The following PIK3CD variants were observed in gnomAD, a reference collection of about 807,000 sequenced individuals.
PIK3CD encodes the protein phosphatidylinositol-4,5-bisphosphate 3-kinase catalytic subunit delta, also known as phosphatidylinositol 4,5-bisphosphate 3-kinase catalytic subunit delta isoform.
In PIK3CD, 20 loss-of-function variants were observed where a neutral mutation model predicts 122.9. That is an observed-to-expected ratio of 0.16 (90% CI 0.11 to 0.24). The LOEUF is 0.24. Ranked by LOEUF, PIK3CD falls within the 10% of genes least tolerant of loss-of-function variation. The pLI, the probability that PIK3CD is intolerant of heterozygous loss-of-function variation, is 1.00. For missense variants in PIK3CD, 787 were observed against 1,406.3 expected (o/e 0.56, Z 7.04); for synonymous variants, 596 against 593.4 (o/e 1.00, Z -0.06).
chr1:9,648,450 G>A (rs1429588899), upstream of PIK3CD, among the ~76,000 whole-genome samples: 2 of 152,092 alleles, frequency 1.3e-5, no homozygotes, highest in African/African-American at 4.8e-5. Flanking sequence ...CCAGAGGGCA[G>A]CGTTGAAAGT....
chr1:9,647,022 A>G (rs1644615615), upstream of PIK3CD, among the ~76,000 whole-genome samples: 1 of 149,338 alleles, frequency 6.7e-6, no homozygotes, highest in Non-Finnish European at 1.5e-5. Flanking sequence ...GAGGTGGGAG[A>G]ATTGCTTGAA....
intron 23 of PIK3CD, 108 bp downstream of exon 23, chr1:9,725,044 G>A (rs371652104): frequency 1.5e-6 from 2 of 1,349,156 alleles, no homozygotes; most frequent in Admixed American, 1.9e-5. Context: ...AGGGCACTGA[G>A]CTGTGTGTGC....
upstream of PIK3CD, among the ~76,000 whole-genome samples, chr1:9,648,631 A>T (rs1027349902): frequency 6.6e-6 from 1 of 152,156 alleles, no homozygotes; most frequent in East Asian, 1.9e-4. Context: ...AGGCTCAGTA[A>T]TCTGAGCCTG....
the PIK3CD span, among the ~76,000 whole-genome samples, chr1:9,629,514 A>G: frequency 6.8e-6 from 1 of 146,536 alleles, no homozygotes; most frequent in Non-Finnish European, 1.5e-5. Flanking sequence ...CATACCACAA[A>G]TAGAAATCAA....
chr1:9,671,200 A>G (rs1424130316), intron 1 of PIK3CD, among the ~76,000 whole-genome samples: 1 of 152,110 alleles, frequency 6.6e-6, no homozygotes, highest in Non-Finnish European at 1.5e-5. Flanking sequence ...CCTGGGCTCA[A>G]GCGATCTTCC....
chr1:9,640,043 C>T, the PIK3CD span, among the ~76,000 whole-genome samples: 8 of 151,332 alleles, frequency 5.3e-5, no homozygotes, highest in Non-Finnish European at 1.2e-4. Context: ...TGCCCGACCT[C>T]CTTTCTTTCT....
rs1358439110 is a variant in PIK3CD at position 9,724,443 on chromosome 1, C to T, written c.2864+22C>T. On this transcript the variant is annotated intron_variant, in intron 22 of 23. Coordinates refer to ENST00000377346, the MANE Select transcript of PIK3CD (RefSeq NM_005026.5). The surrounding 1 kb of genome is among the most constrained non-coding windows in gnomAD (Gnocchi z 7.3). ...AACGGTGAGAGTGCCTGAGCCCCAC[C>T]AGATGCCCCTCGGTGTGGGGCCCCA... 6.2e-7 allele frequency: 1 copy of T among 1,613,782 alleles called. No individual in the cohort carries two copies. The highest frequency in any genetic ancestry group is 2.2e-5 in the East Asian group (1 of 44,884).
rs557569492 is a variant in PIK3CD at position 9,708,748 on chromosome 1, CTGAGGCAGGAGAATCGCT to C, written c.-32-1671_-32-1654del. Among the ~76,000 whole-genome samples, 44 of 152,078 alleles carry C rather than the reference CTGAGGCAGGAGAATCGCT, an allele frequency of 2.9e-4. No individual in the cohort carries two copies. In the East Asian group the frequency reaches 6.5e-3, roughly 23 times the overall value. On this transcript the variant is annotated intron_variant, in intron 2 of 23. Transcript: ENST00000377346. ...CCTGTAATCCCAGCTACTCGGGAGG[CTGAGGCAGGAGAATCGCT>C]TGAGCCCAAGAGCTGAGATTGCACC...
chr1:9,675,821 A>C (rs1645513009), intron 1 of PIK3CD, among the ~76,000 whole-genome samples: 1 of 151,690 alleles, frequency 6.6e-6, no homozygotes, highest in African/African-American at 2.4e-5. Flanking sequence ...TCTGGAGTGC[A>C]GTGCTGCGAT....
In PIK3CD at chr1:9,715,102, G is replaced by A. The variant is rs924506423; in HGVS notation, c.142-439G>A. ...TGAGGCAAGAGAATCACTTGAACCT[G>A]GGAAGCAGAGGTTGCAGTGAGCCAG... is the stretch of plus-strand genomic sequence containing the variant. On this transcript the variant is annotated intron_variant, in intron 3 of 23. Transcript: ENST00000377346. This position sits in a 1 kb window ranked among gnomAD's most constrained non-coding sequence, Gnocchi z 4.1. Among the ~76,000 whole-genome samples the A allele has an allele frequency of 6.6e-5, 10 of 152,176 alleles. No individual in the cohort carries two copies. Among genetic ancestry groups the A allele is most frequent in the African/African-American group, 1.4e-4 (6 of 41,440 alleles).
the PIK3CD span, among the ~76,000 whole-genome samples, chr1:9,636,063 GAGCA>G: frequency 1.3e-5 from 2 of 152,312 alleles, no homozygotes; most frequent in African/African-American, 4.8e-5. Flanking sequence ...AGCAAAATGT[GAGCA>G]GACAGACAAA....
At chr1:9,693,817 A>T in intron 2 of PIK3CD, among the ~76,000 whole-genome samples, 1 of 151,816 alleles carries the variant, frequency 6.6e-6, no homozygotes, top group African/African-American at 2.4e-5. Flanking sequence ...GCCATGGGGG[A>T]GGCAGGTGGA....
intron 1 of PIK3CD, among the ~76,000 whole-genome samples, chr1:9,666,479 T>G (rs61783033): frequency 0.028 from 4,188 of 151,882 alleles, 199 homozygotes; most frequent in African/African-American, 0.095. Context: ...GTGAACCACC[T>G]GCCCTGGCCT....
chr1:9,640,681 T>C, the PIK3CD span, among the ~76,000 whole-genome samples: 1 of 152,136 alleles, frequency 6.6e-6, no homozygotes, highest in Non-Finnish European at 1.5e-5. Flanking sequence ...TCCATTTGAC[T>C]GAGCAAGGAA....
At chr1:9,697,335 G>A (rs1472289907) in intron 2 of PIK3CD, among the ~76,000 whole-genome samples, 1 of 152,126 alleles carries the variant, frequency 6.6e-6, no homozygotes, top group African/African-American at 2.4e-5. Context: ...TATATATGTG[G>A]AAGTGGAGGT....
the PIK3CD span, among the ~76,000 whole-genome samples, chr1:9,638,731 C>CAA: frequency 0.2 from 13,718 of 68,888 alleles, 1,578 homozygotes; most frequent in East Asian, 0.24. Context: ...GACTCCTTCT[C>CAA]AAAAAAAAAA....
intron 1 of PIK3CD, among the ~76,000 whole-genome samples, chr1:9,665,403 G>A (rs1476025928): frequency 1.3e-5 from 2 of 151,440 alleles, no homozygotes; most frequent in Admixed American, 6.6e-5. Context: ...ACAGGCGCAC[G>A]CCGCCATGCC....
chr1:9,654,315 G>T, intron 1 of PIK3CD: 1 of 1,367,732 alleles, frequency 7.3e-7, no homozygotes, highest in Non-Finnish European at 9.8e-7. Context: ...ACGCCGCCAG[G>T]TCTTTGCACT....
chr1:9,691,932 G>A (rs564440591), intron 2 of PIK3CD: 5 of 174,984 alleles, frequency 2.9e-5, no homozygotes, highest in African/African-American at 1.2e-4. Flanking sequence ...AATATTAAAA[G>A]TTTTCTGGAG....
Sources: allele counts gnomAD v4.1 joint callset (sites outside exome capture counted in the v4.1 genomes callset), GRCh38; gene constraint gnomAD v4.1.1; non-coding constraint Gnocchi (gnomAD v3.1); transcripts MANE v1.5; gene names NCBI Gene and HGNC (gene_info 2026-07-23, HGNC 2026-07-21).